MYO1H: variants seen among roughly 807,000 people sequenced by gnomAD.
MYO1H encodes unconventional myosin-Ih.
A neutral mutation model predicts 149.3 loss-of-function variants in MYO1H; 118 were observed. The ratio of observed to expected loss-of-function variants is 0.79; its 90% CI spans 0.68 to 0.92. MYO1H has a LOEUF of 0.92. MYO1H is among the 40% of genes least tolerant of loss of function. MYO1H has a pLI of 0.00. For synonymous variants in MYO1H, 447 were observed against 465.2 expected (o/e 0.96, Z 0.50); for missense variants, 1,212 against 1,280.7 (o/e 0.95, Z 0.82).
intron 3 of MYO1H, among the ~76,000 whole-genome samples, chr12:109,394,426 A>G (rs1340138587): frequency 2.2e-4 from 34 of 152,242 alleles, no homozygotes; most frequent in Non-Finnish European, 1.5e-5. Flanking sequence ...ATCAGTTTTC[A>G]CAAACTTGAG....
chr12:109,324,647 T>G, the MYO1H span, among the ~76,000 whole-genome samples: 1 of 152,294 alleles, frequency 6.6e-6, no homozygotes, highest in African/African-American at 2.4e-5. Flanking sequence ...TTTCTACATT[T>G]GTTACCTTAT....
chr12:109,417,606 C>A (rs748647817), intron 15 of MYO1H, among the ~76,000 whole-genome samples: 11 of 151,834 alleles, frequency 7.2e-5, no homozygotes, highest in Non-Finnish European at 1.5e-4. Context: ...GGATTACAGG[C>A]GTGAGCCACC....
intron 15 of MYO1H, among the ~76,000 whole-genome samples, chr12:109,415,906 CATTTTATTTTATTTTATTTTATTTT>C (rs78343064): frequency 6.9e-5 from 10 of 144,574 alleles, no homozygotes; most frequent in South Asian, 6.6e-4. Flanking sequence ...TACCACCATT[CATTTTATTTTATTTTATTTTATTTT>C]ATTTTATTTT....
chr12:109,337,568 C>T, the MYO1H span, among the ~76,000 whole-genome samples: 19 of 152,146 alleles, frequency 1.2e-4, no homozygotes, highest in Non-Finnish European at 2.6e-4. Flanking sequence ...AGGGGAACTC[C>T]GCTTTATAAA....
At position 109,421,771 on chromosome 12, in the gene MYO1H, T is replaced by A. The variant is rs118141413; in HGVS notation, c.1644+744T>A. On this transcript the variant is annotated intron_variant, in intron 16 of 31. Coordinates refer to ENST00000310903, the Ensembl canonical transcript of MYO1H. ...TTAGCCCCCAGGGCTGCCGACGGAA[T>A]TCCCAATCTCTTTGCCTTTCCATAT... Among the ~76,000 whole-genome samples the A allele has an allele frequency of 1.5e-3, 224 of 152,256 alleles. 6 individuals carry two copies. In the East Asian group the frequency reaches 0.043, roughly 29 times the overall value.
chr12:109,440,508 G>C lies in MYO1H; in HGVS notation c.2455-236G>C, dbSNP rs1212604739. 56 of 476,158 alleles carry C rather than the reference G, an allele frequency of 1.2e-4. No homozygotes were observed. In the South Asian group the frequency reaches 1.2e-3, roughly 10 times the overall value. The allele number at this position is 476,158 out of a possible 1,614,324, so 29.5% of individuals were successfully genotyped here. On this transcript the variant is annotated intron_variant, in intron 24 of 31. Coordinates refer to ENST00000310903, the Ensembl canonical transcript of MYO1H. ...CAGAATCTCCAGGAATCTCATTATAGCCAGTTCTGCAGGTGAGTCATAAAC... is the reference window on the plus strand; with the variant it reads ...CAGAATCTCCAGGAATCTCATTATACCCAGTTCTGCAGGTGAGTCATAAAC...
chr12:109,314,876 G>A, the MYO1H span, among the ~76,000 whole-genome samples: 1 of 152,154 alleles, frequency 6.6e-6, no homozygotes. Flanking sequence ...GAGGTCAGCA[G>A]ATCACTTGAG....
At chr12:109,375,002 C>A (rs1272555424) in intron 1 of MYO1H, among the ~76,000 whole-genome samples, 1 of 151,216 alleles carries the variant, frequency 6.6e-6, no homozygotes, top group African/African-American at 2.4e-5. Context: ...TTACACGTGC[C>A]TGCCACTGTG....
chr12:109,447,268 C>A, exon 32 of MYO1H: 2 of 1,217,008 alleles, frequency 1.6e-6, no homozygotes, highest in Non-Finnish European at 2.4e-6. Context: ...ATCCAGTTAG[C>A]TACCTCTTCA....
At chr12:109,380,523 A>T (rs548608698) in intron 1 of MYO1H, among the ~76,000 whole-genome samples, 1 of 152,346 alleles carries the variant, frequency 6.6e-6, no homozygotes, top group South Asian at 2.1e-4. Flanking sequence ...GTTTTCAGTA[A>T]TCCCACTGGT....
At chr12:109,335,317 TG>T in the MYO1H span, among the ~76,000 whole-genome samples, 191 of 152,016 alleles carry the variant, frequency 1.3e-3, 1 homozygote, top group Non-Finnish European at 2.5e-4. Flanking sequence ...GGAGCAGGTG[TG>T]GGGGGGTGCC....
intron 12 of MYO1H, 127 bp downstream of exon 12, chr12:109,410,195 C>A (rs7967632): frequency 2.1e-6 from 1 of 480,480 alleles, no homozygotes; most frequent in Non-Finnish European, 3.6e-6. Context: ...AGGCTGGAGT[C>A]CAGTGGCACA....
chr12:109,447,518 C>T (rs1336743627), exon 32 of MYO1H: 5 of 439,562 alleles, frequency 1.1e-5, no homozygotes, highest in East Asian at 3.8e-5. Flanking sequence ...TGTCAAGCTG[C>T]CCTGAGACAT....
chr12:109,387,436 T>C (rs749244450), intron 1 of MYO1H, among the ~76,000 whole-genome samples: 3 of 152,242 alleles, frequency 2.0e-5, no homozygotes, highest in East Asian at 1.9e-4. Flanking sequence ...TATGTACCAG[T>C]TGTCAATTTA....
At chr12:109,360,470 C>T (rs983140361) in intron 1 of MYO1H, among the ~76,000 whole-genome samples, 5 of 152,196 alleles carry the variant, frequency 3.3e-5, no homozygotes, top group African/African-American at 4.8e-5. Flanking sequence ...CTCTCTCTCT[C>T]TCTTCACTAA....
At chr12:109,439,635 A>G (rs1279637926) in exon 24 of MYO1H, 1 of 1,609,546 alleles carries the variant, frequency 6.2e-7, no homozygotes, top group Non-Finnish European at 8.5e-7. Flanking sequence ...TTTTAGGTTC[A>G]TTAAAGGATT....
chr12:109,343,881 G>C (rs536984379), upstream of MYO1H, among the ~76,000 whole-genome samples: 8 of 152,256 alleles, frequency 5.3e-5, no homozygotes, highest in African/African-American at 1.2e-4. Context: ...ACAAGGCATT[G>C]CACTAGGTGT....
At chr12:109,329,376 C>T in the MYO1H span, among the ~76,000 whole-genome samples, 1 of 152,176 alleles carries the variant, frequency 6.6e-6, no homozygotes, top group East Asian at 1.9e-4. Context: ...TAACTCTTCC[C>T]AGAAAAATTC....
At chr12:109,344,851 A>G (rs12231342), upstream of MYO1H, among the ~76,000 whole-genome samples, 3,969 of 152,324 alleles carry the variant, frequency 0.026, 72 homozygotes, top group Middle Eastern at 0.061. Context: ...ATTTTCGACA[A>G]GGGAGCCAAG....
Sources: gnomAD v4.1 joint callset for allele counts (sites outside exome capture counted in the v4.1 genomes callset) on GRCh38, gnomAD v4.1.1 for gene constraint, MANE v1.5 for transcripts, NCBI Gene and HGNC (gene_info 2026-07-23, HGNC 2026-07-21) for gene names.